UBE4B: variants seen among roughly 807,000 people sequenced by gnomAD.
The protein encoded by UBE4B is ubiquitin conjugation factor E4 B.
Under a neutral mutation model 148.1 loss-of-function variants are expected in UBE4B, and 27 were observed. The observed-to-expected ratio is 0.18, with a 90% CI of 0.13 to 0.25. The LOEUF (loss-of-function observed/expected upper bound fraction) is 0.25, where lower values mean the gene tolerates loss of function less well. Ranked by LOEUF, UBE4B falls within the 10% of genes least tolerant of loss-of-function variation. UBE4B has a pLI of 1.00. For missense variants in UBE4B, 1,170 were observed against 1,662.4 expected, an observed-to-expected ratio of 0.70 and a Z score of 5.15; for synonymous variants, 596 against 619.3, an observed-to-expected ratio of 0.96 and a Z score of 0.56.
chr1:10,103,068 C>T lies in UBE4B; in HGVS notation c.556C>T (p.Gln186Ter). ...DVIFLSSLSA[Q>*]FKQNPKEVFS... ...CATCTTTCTTTCTTCTCTTTCTGCA[C>T]AGTTTAAGCAGAACCCAAAAGAAGG... Residue 186 changes from glutamine (Q) to a stop codon, truncating the protein, a stop_gained, in exon 5 of 28, where the codon CAG (glutamine) becomes TAG (stop). Transcript: ENST00000343090. LOFTEE classifies it high-confidence loss of function. 6.2e-7 allele frequency: 1 copy of T among 1,608,874 alleles called. No individual in the cohort carries two copies. Among genetic ancestry groups the T allele is most frequent in the Non-Finnish European group, 8.5e-7 (1 of 1,177,132 alleles).
chr1:10,132,698 A>G (rs1645615337), intron 15 of UBE4B, among the ~76,000 whole-genome samples: 1 of 152,260 alleles, frequency 6.6e-6, no homozygotes, highest in Non-Finnish European at 1.5e-5. Context: ...TGAAGAAAAT[A>G]GAGCAAAGTA....
chr1:10,076,585 C>A (rs1353463703), intron 2 of UBE4B, among the ~76,000 whole-genome samples: 1 of 151,686 alleles, frequency 6.6e-6, no homozygotes, highest in African/African-American at 2.4e-5. Context: ...GGGTGCCACC[C>A]ATGGTAAAAA....
At position 10,148,447 on chromosome 1, in the gene UBE4B, C is replaced by T. The variant is rs542333253; in HGVS notation, c.2592-737C>T. Among the ~76,000 whole-genome samples the T allele has an allele frequency of 9.2e-5, 14 of 151,584 alleles. No individual in the cohort carries two copies. In the South Asian group the frequency reaches 1.3e-3, roughly 14 times the overall value. On this transcript the variant is annotated intron_variant, in intron 19 of 27. Coordinates refer to ENST00000343090, the MANE Select transcript of UBE4B (RefSeq NM_001105562.3). The stretch of plus-strand genomic sequence containing the variant: ...AGGAGTTCGAGACCATCCTGGCCAA[C>T]GTGGTGAAACACCGTCTCTACTAAA...
intron 25 of UBE4B, among the ~76,000 whole-genome samples, chr1:10,175,678 A>T (rs12129751): frequency 0.095 from 14,270 of 150,488 alleles, 786 homozygotes; most frequent in Middle Eastern, 0.17. Context: ...AATAAATAAA[A>T]AAGAAAATAA....
chr1:10,101,498 CTTTTTTTTTTTTTTT>C (rs34066776), intron 4 of UBE4B, among the ~76,000 whole-genome samples: 47 of 56,180 alleles, frequency 8.4e-4, no homozygotes, highest in Admixed American at 3.3e-3. Context: ...TGGTCTTTTG[CTTTTTTTTTTTTTTT>C]TTTTTTTTTT....
chr1:10,087,117 A>G (rs943558832), intron 2 of UBE4B, among the ~76,000 whole-genome samples: 1 of 152,250 alleles, frequency 6.6e-6, no homozygotes, highest in South Asian at 2.1e-4. Flanking sequence ...AGGTGTATCT[A>G]TAGAACTTGT....
In UBE4B at chr1:10,168,621, G is replaced by A. The variant is rs564690556; in HGVS notation, c.3333+351G>A. On this transcript the variant is annotated intron_variant, in intron 24 of 27. Coordinates refer to ENST00000343090, the MANE Select transcript of UBE4B (RefSeq NM_001105562.3). This position sits in a 1 kb window ranked among gnomAD's most constrained non-coding sequence, Gnocchi z 4.9. Reference sequence around the variant, plus strand: ...AGAAAAAGCATAAGGTGCCGGGTGCGGTGGCTCACGCCTGTAATCCCAGCA... The same window carrying A: ...AGAAAAAGCATAAGGTGCCGGGTGCAGTGGCTCACGCCTGTAATCCCAGCA... Among the ~76,000 whole-genome samples the A allele has an allele frequency of 7.2e-5, 11 of 152,176 alleles. No homozygotes were observed. The East Asian group carries it at 1.7e-3, about 24-fold the overall frequency.
At chr1:10,137,230 G>A (rs772856980) in intron 17 of UBE4B, 25 bp downstream of exon 17, 1 of 1,612,256 alleles carries the variant, frequency 6.2e-7, no homozygotes, top group African/African-American at 1.3e-5. Flanking sequence ...ACCGTGTCCT[G>A]GGATTGCCTG....
intron 1 of UBE4B, among the ~76,000 whole-genome samples, chr1:10,052,478 A>G (rs1345230471): frequency 6.6e-6 from 1 of 152,128 alleles, no homozygotes; most frequent in South Asian, 2.1e-4. Flanking sequence ...GATCATATTG[A>G]GCACCCATCG....
intron 21 of UBE4B, among the ~76,000 whole-genome samples, chr1:10,153,518 A>AG (rs1035676165): frequency 1.4e-5 from 2 of 145,172 alleles, no homozygotes; most frequent in African/African-American, 2.5e-5. Flanking sequence ...AAAAAAAAAA[A>AG]GGGTAAAAAG....
intron 11 of UBE4B, among the ~76,000 whole-genome samples, chr1:10,127,890 T>C (rs1422078664): frequency 1.3e-5 from 2 of 152,220 alleles, no homozygotes; most frequent in Admixed American, 6.5e-5. Flanking sequence ...GGTGTATTTA[T>C]CTATTTAAAA....
intron 22 of UBE4B, among the ~76,000 whole-genome samples, chr1:10,158,798 CAGG>C (rs1280339534): frequency 1.3e-5 from 2 of 151,956 alleles, no homozygotes; most frequent in African/African-American, 4.8e-5. Context: ...CACTTGAGGT[CAGG>C]AGTTCAAAAC....
chr1:10,047,815 T>C (rs935177104), intron 1 of UBE4B, among the ~76,000 whole-genome samples: 2 of 152,164 alleles, frequency 1.3e-5, no homozygotes, highest in African/African-American at 4.8e-5. Flanking sequence ...TTACATCTCC[T>C]TGGCTAGAGC....
chr1:10,033,618 C>T lies in UBE4B; in HGVS notation c.-53C>T. On this transcript the variant is annotated 5_prime_UTR_variant, in exon 1 of 28. Coordinates refer to ENST00000343090, the MANE Select transcript of UBE4B (RefSeq NM_001105562.3). ...CCACTCTCCTTCCTCCCGCCGTGGTCTCGAGAACAGAAGGATCTCTCCTTA... is the reference window on the plus strand; with the variant it reads ...CCACTCTCCTTCCTCCCGCCGTGGTTTCGAGAACAGAAGGATCTCTCCTTA... 7.4e-6 allele frequency: 11 copies of T among 1,479,470 alleles called. No individual in the cohort carries two copies. Among genetic ancestry groups the T allele is most frequent in the East Asian group, 5.2e-5 (2 of 38,114 alleles). 91.6% of individuals were successfully genotyped at this position (1,479,470 alleles called of 1,614,324 possible). A position where few individuals can be genotyped will look rare whatever the true frequency, so the allele number is the denominator to read the frequency against.
At chr1:10,077,419 G>A (rs1644603130) in intron 2 of UBE4B, among the ~76,000 whole-genome samples, 1 of 152,146 alleles carries the variant, frequency 6.6e-6, no homozygotes, top group Non-Finnish European at 1.5e-5. Context: ...GCTTACGTCT[G>A]CTAAGACCCT....
chr1:10,143,822 G>A (rs768313472), intron 17 of UBE4B, among the ~76,000 whole-genome samples: 11 of 152,158 alleles, frequency 7.2e-5, no homozygotes, highest in African/African-American at 2.2e-4. Flanking sequence ...AAGCTGCTTC[G>A]GAGGTCAGCC....
At chr1:10,061,035 C>T (rs758666978) in intron 1 of UBE4B, among the ~76,000 whole-genome samples, 13 of 152,050 alleles carry the variant, frequency 8.5e-5, no homozygotes, top group Non-Finnish European at 1.8e-4. Context: ...TGTAAGCCAC[C>T]GCAAGAGTTT....
chr1:10,080,349 G>T (rs1644657573), intron 2 of UBE4B, among the ~76,000 whole-genome samples: 1 of 151,756 alleles, frequency 6.6e-6, no homozygotes, highest in South Asian at 2.1e-4. Flanking sequence ...GAACCCAGGA[G>T]GCAGAGGTTG....
Position 10,106,255 on chromosome 1 carries a change from G to A in UBE4B, c.868G>A (p.Gly290Ser), listed in dbSNP as rs891835027. 6.2e-7 allele frequency: 1 copy of A among 1,613,894 alleles called. No individual in the cohort carries two copies. The highest frequency in any genetic ancestry group is 8.5e-7 in the Non-Finnish European group (1 of 1,179,876). ...TTTCTGGAGCTCTGTTCCCGTGATGGGCCCGTCTCTTGCCTCACCTTCCCG... is the reference window on the plus strand; with the variant it reads ...TTTCTGGAGCTCTGTTCCCGTGATGAGCCCGTCTCTTGCCTCACCTTCCCG... ...PSFWSSVPVM[G>S]PSLASPSRAA... The change falls in exon 7 of 28, where the codon GGC becomes AGC. Residue 290 changes from glycine to serine, a missense_variant. Around this residue, in one of 6 missense-constraint regions of UBE4B, gnomAD observed 214 missense variants for 209.1 expected, o/e 1.02. Coordinates refer to ENST00000343090, the MANE Select transcript of UBE4B (RefSeq NM_001105562.3). This position sits in a 1 kb window ranked among gnomAD's most constrained non-coding sequence, Gnocchi z 4.2.
Sources: gnomAD v4.1 joint callset for allele counts (sites outside exome capture counted in the v4.1 genomes callset) on GRCh38, gnomAD v4.1.1 for gene constraint, gnomAD v4.1.1 regional missense constraint, Gnocchi (gnomAD v3.1) non-coding constraint, MANE v1.5 for transcripts, NCBI Gene and HGNC (gene_info 2026-07-23, HGNC 2026-07-21) for gene names.